Variants in TEX10 observed in about 807,000 individuals in gnomAD.
TEX10 encodes the protein testis-expressed protein 10.
A neutral mutation model predicts 104.4 loss-of-function variants in TEX10; 24 were observed. That is an observed-to-expected ratio of 0.23 (90% CI 0.17 to 0.32). The LOEUF (loss-of-function observed/expected upper bound fraction) is 0.32, where lower values mean the gene tolerates loss of function less well. Ranked by LOEUF, TEX10 falls within the 10% of genes least tolerant of loss-of-function variation. TEX10 has a pLI of 1.00. For synonymous variants in TEX10, 396 were observed against 393.4 expected, an observed-to-expected ratio of 1.01 and a Z score of -0.08; for missense variants, 921 against 1,083.9, an observed-to-expected ratio of 0.85 and a Z score of 2.11.
At chr9:100,351,014 G>T (rs137968525) in intron 1 of TEX10, among the ~76,000 whole-genome samples, 1 of 152,034 alleles carries the variant, frequency 6.6e-6, no homozygotes, top group Admixed American at 6.6e-5. Context: ...GGTTAAATAC[G>T]TATGCTCAAA....
At chr9:100,317,584 C>A (rs1173588582) in intron 11 of TEX10, among the ~76,000 whole-genome samples, 5 of 152,040 alleles carry the variant, frequency 3.3e-5, no homozygotes, top group Non-Finnish European at 7.4e-5. Context: ...ACAAATAATT[C>A]ATGACTAAGA....
chr9:100,310,183 T>C, intron 12 of TEX10, 116 bp downstream of exon 12: 1 of 821,556 alleles, frequency 1.2e-6, no homozygotes, highest in Non-Finnish European at 2.0e-6. Flanking sequence ...TGCAAGAGAC[T>C]ATGATATCAT....
intron 1 of TEX10, chr9:100,352,486 G>A (rs1471177148): frequency 1.3e-6 from 2 of 1,551,174 alleles, no homozygotes; most frequent in African/African-American, 1.4e-5. Context: ...AGTCGGGGAA[G>A]TGGGGCCCGA....
intron 5 of TEX10, among the ~76,000 whole-genome samples, chr9:100,336,586 C>T (rs977283893): frequency 6.6e-6 from 1 of 152,192 alleles, no homozygotes; most frequent in African/African-American, 2.4e-5. Context: ...AGGGCTCCCA[C>T]TGATTCTACA....
At chr9:100,310,193 T>G in intron 12 of TEX10, 106 bp downstream of exon 12, 2 of 892,666 alleles carry the variant, frequency 2.2e-6, no homozygotes, top group Non-Finnish European at 3.5e-6. Context: ...TATGATATCA[T>G]TAATCTTAGA....
intron 5 of TEX10, among the ~76,000 whole-genome samples, chr9:100,339,673 T>C (rs10124133): frequency 0.45 from 68,959 of 151,890 alleles, 17,348 homozygotes; most frequent in East Asian, 0.89. Context: ...ACAGTATTAG[T>C]ATTTTAGCTT....
intron 11 of TEX10, among the ~76,000 whole-genome samples, chr9:100,319,222 CA>C (rs1204540862): frequency 1.3e-5 from 2 of 151,740 alleles, no homozygotes; most frequent in Admixed American, 1.3e-4. Flanking sequence ...AACCAAACCC[CA>C]AAACAGTAAC....
chr9:100,334,867 G>A (rs1015375877), intron 5 of TEX10, among the ~76,000 whole-genome samples: 2 of 152,076 alleles, frequency 1.3e-5, no homozygotes, highest in Non-Finnish European at 2.9e-5. Context: ...GTTTCGCCAC[G>A]TTGGCCAGGC....
At position 100,302,145 on chromosome 9, in the gene TEX10, G is replaced by T; in HGVS notation, c.*46C>A. The T allele has an allele frequency of 8.7e-7, 1 of 1,153,124 alleles. No homozygotes were observed. Among genetic ancestry groups the T allele is most frequent in the Non-Finnish European group, 1.2e-6 (1 of 813,684 alleles). 71.4% of individuals were successfully genotyped at this position (1,153,124 alleles called of 1,614,324 possible). On this transcript the variant is annotated 3_prime_UTR_variant, in exon 15 of 15. Transcript: ENST00000374902. ...TACATCAGTCTTTTTCTTCAAATAAGATAGATGTGAATAAACAACTTCAAA... is the reference window on the plus strand; with the variant it reads ...TACATCAGTCTTTTTCTTCAAATAATATAGATGTGAATAAACAACTTCAAA...
At chr9:100,322,631 T>TG (rs1301353785) in intron 9 of TEX10, among the ~76,000 whole-genome samples, 1 of 152,076 alleles carries the variant, frequency 6.6e-6, no homozygotes, top group Non-Finnish European at 1.5e-5. Flanking sequence ...ATATATTTTT[T>TG]GGGGGGATGG....
intron 11 of TEX10, among the ~76,000 whole-genome samples, chr9:100,316,973 C>T (rs915956050): frequency 8.3e-6 from 1 of 120,632 alleles, no homozygotes; most frequent in Non-Finnish European, 1.7e-5. Context: ...AACTAGAAAA[C>T]ACTGATGAAA....
Position 100,347,248 on chromosome 9 carries a change from A to G in TEX10, c.339T>C (p.Asn113=), listed in dbSNP as rs775360183. The G allele has an allele frequency of 1.9e-6, 3 of 1,614,160 alleles. No homozygotes were observed. The highest frequency in any genetic ancestry group is 1.7e-5 in the Admixed American group (1 of 60,026). The change falls in exon 3 of 15, where the codon AAT becomes AAC. Residue 113 remains asparagine, a synonymous_variant. Coordinates refer to ENST00000374902, the MANE Select transcript of TEX10 (RefSeq NM_017746.4). ...GAAGTTGAACTGCTGCTAATCGTAC[A>G]TTAGCATCTTTATCTGTAAACACAG... The part of the protein sequence containing the change: ...VTAVFTDKDA[N]VRLAAVQLLQ...
At chr9:100,350,074 T>C (rs1345789806) in intron 1 of TEX10, among the ~76,000 whole-genome samples, 1 of 152,118 alleles carries the variant, frequency 6.6e-6, no homozygotes, top group African/African-American at 2.4e-5. Context: ...AATAGGGGGA[T>C]AAGGAACAAA....
chr9:100,303,557 C>T, intron 14 of TEX10, 75 bp downstream of exon 14: 1 of 1,513,664 alleles, frequency 6.6e-7, no homozygotes, highest in Admixed American at 1.7e-5. Context: ...CCTCAAAACA[C>T]ACTTTCCCCC....
intron 9 of TEX10, among the ~76,000 whole-genome samples, chr9:100,322,338 A>G (rs1047317486): frequency 6.6e-6 from 1 of 152,226 alleles, no homozygotes; most frequent in African/African-American, 2.4e-5. Context: ...GAATAGCTAA[A>G]TGTAAAGCAG....
intron 5 of TEX10, among the ~76,000 whole-genome samples, chr9:100,336,893 G>T (rs1835024805): frequency 6.6e-6 from 1 of 152,132 alleles, no homozygotes; most frequent in Non-Finnish European, 1.5e-5. Flanking sequence ...TCAATCATGA[G>T]GGGGGAATCT....
chr9:100,313,591 G>C (rs188792999), intron 11 of TEX10, among the ~76,000 whole-genome samples: 23 of 151,878 alleles, frequency 1.5e-4, no homozygotes, highest in Middle Eastern at 3.4e-3. Context: ...GGTCACACCT[G>C]TAATTCCAGC....
intron 4 of TEX10, among the ~76,000 whole-genome samples, chr9:100,342,695 C>T (rs942481764): frequency 1.3e-5 from 2 of 152,036 alleles, no homozygotes; most frequent in East Asian, 1.9e-4. Flanking sequence ...AGCAATGAGA[C>T]ACACACGTAG....
chr9:100,307,702 G>A (rs920105212), intron 13 of TEX10: 3 of 151,996 alleles, frequency 2.0e-5, no homozygotes, highest in African/African-American at 7.2e-5. Context: ...ACTGTGCAGG[G>A]TACATTAACA....
Sources: gnomAD v4.1 joint callset for allele counts (sites outside exome capture counted in the v4.1 genomes callset) on GRCh38, gnomAD v4.1.1 for gene constraint, MANE v1.5 for transcripts, NCBI Gene and HGNC (gene_info 2026-07-23, HGNC 2026-07-21) for gene names.